The following THSD4 variants were observed in gnomAD, a reference collection of about 807,000 sequenced individuals.
THSD4 encodes the protein thrombospondin type 1 domain containing 4.
THSD4 carries 69 observed loss-of-function variants against 119.0 expected under a neutral mutation model. The observed-to-expected ratio is 0.58, with a 90% CI of 0.48 to 0.71. The LOEUF (loss-of-function observed/expected upper bound fraction) is 0.71, where lower values mean the gene tolerates loss of function less well. THSD4 is among the 30% of genes least tolerant of loss of function. The pLI is 0.00. For synonymous variants in THSD4, 524 were observed against 540.4 expected, an observed-to-expected ratio of 0.97 and a Z score of 0.42; for missense variants, 1,393 against 1,391.1, an observed-to-expected ratio of 1.00 and a Z score of -0.02.
chr15:71,258,891 A>G (rs965633005), intron 6 of THSD4, among the ~76,000 whole-genome samples: 3 of 152,298 alleles, frequency 2.0e-5, no homozygotes, highest in Non-Finnish European at 4.4e-5. Flanking sequence ...AGGCAGGTGG[A>G]TCACCTGAGG....
upstream of THSD4, chr15:71,111,977 A>G (rs139883238): frequency 3.0e-3 from 2,430 of 808,848 alleles, 47 homozygotes; most frequent in African/African-American, 0.037. Context: ...GCTTATAAGT[A>G]AGAAAACTGT....
chr15:71,568,860 T>C (rs2049294694), intron 7 of THSD4, among the ~76,000 whole-genome samples: 1 of 152,208 alleles, frequency 6.6e-6, no homozygotes, highest in Admixed American at 6.5e-5. Context: ...TTGTCCTTGC[T>C]ATAGTTTGCT....
intron 8 of THSD4, among the ~76,000 whole-genome samples, chr15:71,717,543 C>G (rs906368055): frequency 1.3e-4 from 19 of 150,124 alleles, no homozygotes; most frequent in African/African-American, 4.4e-4. Flanking sequence ...ATTCACCTTT[C>G]TGCTCCTGAG....
At chr15:71,173,699 C>T (rs536209509) in intron 3 of THSD4, among the ~76,000 whole-genome samples, 17 of 151,524 alleles carry the variant, frequency 1.1e-4, no homozygotes, top group African/African-American at 4.1e-4. Context: ...TCTCAAAGGA[C>T]CCCAAATAGT....
intron 7 of THSD4, among the ~76,000 whole-genome samples, chr15:71,431,598 C>G (rs1290091092): frequency 1.3e-5 from 2 of 151,936 alleles, no homozygotes; most frequent in Non-Finnish European, 2.9e-5. Flanking sequence ...GCCAAAGGAG[C>G]CAAGAAACCA....
At chr15:71,724,584 C>G (rs2052799334) in intron 8 of THSD4, among the ~76,000 whole-genome samples, 2 of 151,810 alleles carry the variant, frequency 1.3e-5, no homozygotes, top group African/African-American at 4.8e-5. Flanking sequence ...TACGCCCAGT[C>G]TTTTTTGCCT....
intron 6 of THSD4, among the ~76,000 whole-genome samples, chr15:71,383,050 T>TC (rs1399944052): frequency 2.0e-5 from 3 of 152,178 alleles, no homozygotes; most frequent in Non-Finnish European, 4.4e-5. Context: ...AAGGGACCCT[T>TC]CCCCCCATCA....
At chr15:71,653,167 A>G (rs901946912) in intron 7 of THSD4, among the ~76,000 whole-genome samples, 27 of 152,228 alleles carry the variant, frequency 1.8e-4, no homozygotes, top group African/African-American at 5.8e-4. Flanking sequence ...TTTGCAATAC[A>G]TAATGATACT....
chr15:71,387,080 A>G lies in THSD4; in HGVS notation c.1016-24607A>G, dbSNP rs372892507. Among the ~76,000 whole-genome samples the G allele has an allele frequency of 9.1e-4, 138 of 152,122 alleles. 4 individuals are homozygous for G. In the South Asian group the frequency reaches 0.027, roughly 30 times the overall value. On this transcript the variant is annotated intron_variant, in intron 6 of 17. Transcript: ENST00000261862. ...TTTGCAGCCTATGGGCATAGGGTCA[A>G]GTTGTTTTCAGTTTGCTTGTGTTTT...
chr15:71,574,195 G>A (rs919099485), intron 7 of THSD4, among the ~76,000 whole-genome samples: 2 of 152,140 alleles, frequency 1.3e-5, no homozygotes, highest in African/African-American at 4.8e-5. Context: ...ATGCCTTAGA[G>A]AGTAATGCAT....
At chr15:71,629,017 G>A (rs575886568) in intron 7 of THSD4, among the ~76,000 whole-genome samples, 113 of 152,326 alleles carry the variant, frequency 7.4e-4, no homozygotes, top group Admixed American at 1.2e-3. Context: ...CTAGTGGTGT[G>A]TGTCTAAAGC....
intron 6 of THSD4, among the ~76,000 whole-genome samples, chr15:71,381,723 A>C (rs1320741277): frequency 6.6e-6 from 1 of 152,230 alleles, no homozygotes; most frequent in Admixed American, 6.5e-5. Flanking sequence ...TGTAGCATAG[A>C]ACATTTTAAC....
intron 7 of THSD4, among the ~76,000 whole-genome samples, chr15:71,426,640 T>C (rs933378481): frequency 2.6e-5 from 4 of 152,204 alleles, no homozygotes; most frequent in African/African-American, 9.7e-5. Flanking sequence ...ATTTCACCCT[T>C]GAAAGAGGGT....
At chr15:71,161,422 G>A (rs1179039664) in intron 3 of THSD4, among the ~76,000 whole-genome samples, 1 of 152,030 alleles carries the variant, frequency 6.6e-6, no homozygotes, top group East Asian at 1.9e-4. Flanking sequence ...TATATATTTA[G>A]ATGCTCCAGT....
chr15:71,648,798 G>A (rs1361736245), intron 7 of THSD4, among the ~76,000 whole-genome samples: 2 of 152,148 alleles, frequency 1.3e-5, no homozygotes, highest in African/African-American at 2.4e-5. Context: ...GCCAAGGGAC[G>A]CGTCTCGAGG....
At chr15:71,327,481 T>C (rs1442784685) in intron 6 of THSD4, among the ~76,000 whole-genome samples, 1 of 152,200 alleles carries the variant, frequency 6.6e-6, no homozygotes, top group Non-Finnish European at 1.5e-5. Context: ...TGCCTTATTA[T>C]GTTTTAATAT....
At chr15:71,667,623 G>C (rs558756313) in intron 8 of THSD4, among the ~76,000 whole-genome samples, 186 of 152,288 alleles carry the variant, frequency 1.2e-3, no homozygotes, top group African/African-American at 4.1e-3. Flanking sequence ...AAGTATCATG[G>C]ATCATCTATA....
At chr15:71,709,404 A>G (rs945778265) in intron 8 of THSD4, among the ~76,000 whole-genome samples, 6 of 152,190 alleles carry the variant, frequency 3.9e-5, no homozygotes, top group African/African-American at 7.2e-5. Context: ...TTCCATGGAA[A>G]GCTGAGCTGC....
intron 7 of THSD4, among the ~76,000 whole-genome samples, chr15:71,490,191 G>C (rs185991341): frequency 7.2e-5 from 11 of 151,826 alleles, no homozygotes; most frequent in Admixed American, 5.9e-4. Context: ...TTTGGAGGCC[G>C]AGGCAGGTGG....
Sources: allele counts gnomAD v4.1 joint callset (sites outside exome capture counted in the v4.1 genomes callset), GRCh38; gene constraint gnomAD v4.1.1; transcripts MANE v1.5; gene names NCBI Gene and HGNC (gene_info 2026-07-23, HGNC 2026-07-21).